The following RAB6A variants were observed in gnomAD, a reference collection of about 807,000 sequenced individuals.
RAB6A encodes RAB6A, member RAS oncogene family.
Under a neutral mutation model 32.3 loss-of-function variants are expected in RAB6A, and 8 were observed. The ratio of observed to expected loss-of-function variants is 0.25; its 90% CI spans 0.15 to 0.45. The LOEUF is 0.45. RAB6A is among the 20% of genes least tolerant of loss of function. The probability of loss-of-function intolerance (pLI) is 1.00; values close to 1 mark genes in which losing one functional copy is unlikely to be tolerated. For synonymous variants in RAB6A, 73 were observed against 82.1 expected, an observed-to-expected ratio of 0.89 and a Z score of 0.60; for missense variants, 104 against 249.4, an observed-to-expected ratio of 0.42 and a Z score of 3.93.
intron 1 of RAB6A, among the ~76,000 whole-genome samples, chr11:73,740,342 T>C (rs1213515962): frequency 1.3e-5 from 2 of 152,086 alleles, no homozygotes; most frequent in African/African-American, 4.8e-5. Context: ...CAAAGACAGT[T>C]GAGAAAAGTA....
chr11:73,750,823 T>C (rs75534369), intron 1 of RAB6A, among the ~76,000 whole-genome samples: 3,195 of 152,242 alleles, frequency 0.021, 110 homozygotes, highest in African/African-American at 0.072. Context: ...TTATAGAATG[T>C]ACTTTTTTTT....
chr11:73,757,131 T>A (rs74367164), intron 1 of RAB6A, among the ~76,000 whole-genome samples: 236 of 38,362 alleles, frequency 6.2e-3, no homozygotes, highest in Middle Eastern at 0.013. Flanking sequence ...ATATATATAT[T>A]TTTTTTTTTT....
chr11:73,689,843 T>C (rs761457222), intron 6 of RAB6A, among the ~76,000 whole-genome samples: 3 of 133,074 alleles, frequency 2.3e-5, no homozygotes, highest in Admixed American at 9.2e-5. Context: ...TTGCAGTGAG[T>C]GGACATTGCA....
intron 6 of RAB6A, among the ~76,000 whole-genome samples, chr11:73,700,607 T>TGGGGGGGG (rs1565352763): frequency 4.7e-4 from 1 of 2,144 alleles, no homozygotes; most frequent in Non-Finnish European, 7.9e-4. Flanking sequence ...AAAGTGTGTG[T>TGGGGGGGG]GTGGGGGGGG....
At chr11:73,728,538 C>G (rs1323157990) in intron 2 of RAB6A, among the ~76,000 whole-genome samples, 1 of 149,802 alleles carries the variant, frequency 6.7e-6, no homozygotes, top group African/African-American at 2.4e-5. Flanking sequence ...TTTGGAAAGC[C>G]GAGGTGAAAG....
chr11:73,752,364 G>C (rs1303689849), intron 1 of RAB6A, among the ~76,000 whole-genome samples: 2 of 152,188 alleles, frequency 1.3e-5, no homozygotes, highest in South Asian at 2.1e-4. Context: ...ACTGAGGTAT[G>C]AGAATCGTTT....
At chr11:73,681,001 G>A (rs1274974996) in intron 6 of RAB6A, among the ~76,000 whole-genome samples, 1 of 152,080 alleles carries the variant, frequency 6.6e-6, no homozygotes, top group Non-Finnish European at 1.5e-5. Flanking sequence ...ACACCCACTG[G>A]GTACAACAGC....
intron 1 of RAB6A, among the ~76,000 whole-genome samples, chr11:73,739,648 G>A (rs745645779): frequency 8.6e-5 from 13 of 151,844 alleles, no homozygotes; most frequent in East Asian, 1.9e-4. Context: ...CAAGAAAACC[G>A]AGGGATATTA....
intron 1 of RAB6A, among the ~76,000 whole-genome samples, chr11:73,739,404 T>C (rs1946460147): frequency 1.3e-5 from 2 of 148,250 alleles, no homozygotes; most frequent in African/African-American, 2.5e-5. Context: ...ACTCCTGGGC[T>C]CAAGTGATCT....
chr11:73,757,466 C>A (rs1473443626), intron 1 of RAB6A, among the ~76,000 whole-genome samples: 1 of 151,914 alleles, frequency 6.6e-6, no homozygotes, highest in East Asian at 1.9e-4. Context: ...ACCACCGCAC[C>A]CAGCCTAGTA....
At chr11:73,709,474 T>TATG (rs1555058152) in intron 5 of RAB6A, among the ~76,000 whole-genome samples, 2 of 147,754 alleles carry the variant, frequency 1.4e-5, no homozygotes, top group Non-Finnish European at 1.5e-5. Context: ...CTATTATTAT[T>TATG]ATGACTCGTG....
chr11:73,702,201 G>A (rs1945756507), intron 6 of RAB6A, among the ~76,000 whole-genome samples: 1 of 152,124 alleles, frequency 6.6e-6, no homozygotes, highest in South Asian at 2.1e-4. Flanking sequence ...TTGTTCTGTT[G>A]CTTAGGCTGG....
rs1478920770 is a variant in RAB6A, at chr11:73,760,948, G to A, written c.-313C>T. ...GGGCCGTTCCCTCCTTCCGCACTCG[G>A]CTCCCAGACCTGGGGAAGAGAAGCT... On this transcript the variant is annotated 5_prime_UTR_variant, in exon 1 of 8. Transcript: ENST00000336083. 2 of 315,954 alleles carry A rather than the reference G, an allele frequency of 6.3e-6. No individual in the cohort carries two copies. Among genetic ancestry groups the A allele is most frequent in the South Asian group, 1.0e-4 (1 of 9,736 alleles). 19.6% of individuals were successfully genotyped at this position (315,954 alleles called of 1,614,324 possible). A position where few individuals can be genotyped will look rare whatever the true frequency, so the allele number is the denominator to read the frequency against.
At chr11:73,694,043 C>T (rs1289208259) in intron 6 of RAB6A, among the ~76,000 whole-genome samples, 1 of 152,082 alleles carries the variant, frequency 6.6e-6, no homozygotes, top group Non-Finnish European at 1.5e-5. Context: ...ATCAGAATTA[C>T]CTGGGAAGCT....
At chr11:73,760,125 T>G (rs756984543) in intron 1 of RAB6A, 1 of 1,292,390 alleles carries the variant, frequency 7.7e-7, no homozygotes, top group South Asian at 1.2e-5. Context: ...TTGGCCAAGG[T>G]TGAAGAGGGC....
intron 6 of RAB6A, among the ~76,000 whole-genome samples, chr11:73,684,341 G>T (rs1945407664): frequency 6.6e-6 from 1 of 151,970 alleles, no homozygotes. Context: ...GCTAAATTTT[G>T]TATTTTTAGT....
intron 2 of RAB6A, chr11:73,730,097 A>G (rs373842744): frequency 6.6e-6 from 1 of 152,228 alleles, no homozygotes; most frequent in African/African-American, 2.4e-5. Context: ...CTCCTGATCT[A>G]TTGGCCTCAC....
chr11:73,678,738 G>C (rs1490735849), intron 7 of RAB6A, among the ~76,000 whole-genome samples: 1 of 149,502 alleles, frequency 6.7e-6, no homozygotes, highest in Admixed American at 6.7e-5. Context: ...TTTTTTTTTG[G>C]GGGGGGAATG....
At chr11:73,717,604 C>G (rs913512176) in intron 4 of RAB6A, among the ~76,000 whole-genome samples, 2 of 152,226 alleles carry the variant, frequency 1.3e-5, no homozygotes, top group Non-Finnish European at 2.9e-5. Context: ...ACCACCACAC[C>G]TGGCTAATTT....
Sources: gnomAD v4.1 joint callset for allele counts (sites outside exome capture counted in the v4.1 genomes callset) on GRCh38, gnomAD v4.1.1 for gene constraint, MANE v1.5 for transcripts, NCBI Gene and HGNC (gene_info 2026-07-23, HGNC 2026-07-21) for gene names.